The following VAV2 variants were observed in gnomAD, a reference collection of about 807,000 sequenced individuals.
VAV2 encodes the protein vav guanine nucleotide exchange factor 2.
VAV2 carries 67 observed loss-of-function variants against 132.5 expected under a neutral mutation model. The observed-to-expected ratio is 0.51, with a 90% CI of 0.42 to 0.62. The LOEUF (loss-of-function observed/expected upper bound fraction) is 0.62, where lower values mean the gene tolerates loss of function less well. Ranked by LOEUF, VAV2 falls within the 20% of genes least tolerant of loss-of-function variation. VAV2 has a pLI of 0.00. For synonymous variants in VAV2, 492 were observed against 443.5 expected (o/e 1.11, Z -1.37); for missense variants, 938 against 1,153.6 (o/e 0.81, Z 2.71).
intron 1 of VAV2, among the ~76,000 whole-genome samples, chr9:133,977,005 C>T (rs1011927370): frequency 2.6e-5 from 4 of 152,238 alleles, no homozygotes; most frequent in Non-Finnish European, 5.9e-5. Flanking sequence ...GGGGGTGCCT[C>T]TCCTACAGCC....
intron 2 of VAV2, among the ~76,000 whole-genome samples, chr9:133,897,507 T>C (rs2131998294): frequency 1.3e-5 from 2 of 152,212 alleles, no homozygotes; most frequent in South Asian, 4.1e-4. Context: ...CGAAACTGGG[T>C]CCCAGGAGGG....
At chr9:133,801,587 C>G (rs1376154433) in intron 9 of VAV2, among the ~76,000 whole-genome samples, 2 of 152,220 alleles carry the variant, frequency 1.3e-5, no homozygotes, top group Non-Finnish European at 2.9e-5. Context: ...CCCCACTGAG[C>G]AAGGGCAGCT....
chr9:133,807,349 T>C, intron 7 of VAV2, 23 bp from the exon 8 acceptor site: 1 of 1,591,874 alleles, frequency 6.3e-7, no homozygotes, highest in Non-Finnish European at 8.6e-7. Context: ...AGTCCACCTC[T>C]GCCACCCTGC....
intron 11 of VAV2, 137 bp from the exon 12 acceptor site, chr9:133,795,873 T>C (rs940150017): frequency 2.3e-6 from 2 of 882,622 alleles, no homozygotes; most frequent in African/African-American, 3.4e-5. Context: ...CCAGGCTGGG[T>C]TTGGCTGCCC....
chr9:133,908,746 C>T (rs954386154), intron 2 of VAV2, among the ~76,000 whole-genome samples: 9 of 152,268 alleles, frequency 5.9e-5, no homozygotes, highest in African/African-American at 1.2e-4. Context: ...CAGCGCTGCA[C>T]CCCTCTGAGG....
chr9:133,830,758 G>A (rs1382908558), intron 4 of VAV2, among the ~76,000 whole-genome samples: 3 of 152,112 alleles, frequency 2.0e-5, no homozygotes, highest in East Asian at 1.9e-4. Flanking sequence ...AATGGCATGC[G>A]CTTGTGTCTT....
rs1485961160 is a variant in VAV2, at chr9:133,777,462, C to A, written c.1892G>T (p.Gly631Val). ...TGACTTCCTGGTTTGTACCAGACGA[C>A]CCTGGCAGAGGAAAGAGATGGTTAG... ...RGDPESPWWE[G>V]RLVQTRKSGY... Residue 631 changes from glycine to valine, a missense_variant and splice_region_variant, in exon 23 of 30, where the codon GGT becomes GTT. Gly to Val is a moderately radical substitution (Grantham distance 109). Coordinates refer to ENST00000371850, the MANE Select transcript of VAV2 (RefSeq NM_001134398.2). 11 of 1,613,458 alleles carry A rather than the reference C, an allele frequency of 6.8e-6. No homozygotes were observed. Among genetic ancestry groups the A allele is most frequent in the Non-Finnish European group, 9.3e-6 (11 of 1,179,988 alleles).
chr9:133,979,713 T>G (rs1842634205), intron 1 of VAV2, among the ~76,000 whole-genome samples: 1 of 152,210 alleles, frequency 6.6e-6, no homozygotes, highest in Admixed American at 6.5e-5. Context: ...GCTGTCAGCC[T>G]GCTGACTTTG....
At chr9:133,968,581 T>A (rs2132248549) in intron 1 of VAV2, among the ~76,000 whole-genome samples, 1 of 151,906 alleles carries the variant, frequency 6.6e-6, no homozygotes. Flanking sequence ...CCCGGGGGCC[T>A]GGACAGAGCT....
chr9:133,801,711 G>A (rs1834935634), intron 9 of VAV2, among the ~76,000 whole-genome samples: 1 of 152,190 alleles, frequency 6.6e-6, no homozygotes, highest in Non-Finnish European at 1.5e-5. Flanking sequence ...ACTGAGATGA[G>A]GCCATGCTGA....
At chr9:133,952,445 T>C (rs953745188) in intron 1 of VAV2, among the ~76,000 whole-genome samples, 9 of 151,788 alleles carry the variant, frequency 5.9e-5, no homozygotes, top group South Asian at 2.1e-4. Context: ...CTACTAAAGA[T>C]ACAAAAAATT....
intron 1 of VAV2, among the ~76,000 whole-genome samples, chr9:133,947,480 A>T (rs1189575196): frequency 6.6e-6 from 1 of 152,100 alleles, no homozygotes; most frequent in Non-Finnish European, 1.5e-5. Flanking sequence ...CGGGTGGATC[A>T]CCTGAGGTCA....
In VAV2 at chr9:133,840,601, C is replaced by A. The variant is rs1472825904; in HGVS notation, c.381-6261G>T. ...CTACAGGGGTGCCCAAACCCAAACC[C>A]CGAAGGAAGAGCAGAGGAAACACAG... On this transcript the variant is annotated intron_variant, in intron 3 of 29. Transcript: ENST00000371850. This position sits in a 1 kb window ranked among gnomAD's most constrained non-coding sequence, Gnocchi z 4.5. Among the ~76,000 whole-genome samples the A allele has an allele frequency of 1.3e-5, 2 of 152,210 alleles. No homozygotes were observed. The highest frequency in any genetic ancestry group is 2.9e-5 in the Non-Finnish European group (2 of 68,038).
chr9:133,931,502 G>T (rs569129371), intron 2 of VAV2, among the ~76,000 whole-genome samples: 1 of 53,432 alleles, frequency 1.9e-5, no homozygotes, highest in South Asian at 7.2e-4. Context: ...CTTCTGCCCA[G>T]CTGCCTTCCC....
chr9:133,796,103 C>T (rs2428098), intron 11 of VAV2, among the ~76,000 whole-genome samples: 1,833 of 152,370 alleles, frequency 0.012, 34 homozygotes, highest in African/African-American at 0.041. Context: ...TCCTGAAGCC[C>T]TTCCATGTCC....
intron 3 of VAV2, among the ~76,000 whole-genome samples, chr9:133,858,957 A>T (rs1208846440): frequency 1.3e-5 from 2 of 152,210 alleles, no homozygotes; most frequent in East Asian, 3.9e-4. Context: ...GTTTCCCTGT[A>T]CATCTGCCAG....
Position 133,987,424 on chromosome 9 carries a change from G to A in VAV2, c.204+4651C>T, listed in dbSNP as rs185613414. On this transcript the variant is annotated intron_variant, in intron 1 of 29. Coordinates refer to ENST00000371850, the MANE Select transcript of VAV2 (RefSeq NM_001134398.2). ...ATACCAGCTCCTACAGGAAGAACCA[G>A]GCTAGAAGGAGAGAAGGTCTTCCAG... Among the ~76,000 whole-genome samples, 4 of 152,370 alleles carry A rather than the reference G, an allele frequency of 2.6e-5. No individual in the cohort carries two copies. In the East Asian group the frequency reaches 7.7e-4, roughly 29 times the overall value.
At chr9:133,831,145 T>C (rs115284683) in intron 4 of VAV2, among the ~76,000 whole-genome samples, 6,234 of 151,948 alleles carry the variant, frequency 0.041, 417 homozygotes, top group African/African-American at 0.14. Flanking sequence ...AGATGGAAAA[T>C]GGGCAACTGG....
At chr9:133,920,193 A>G (rs149878828) in intron 2 of VAV2, among the ~76,000 whole-genome samples, 59 of 152,260 alleles carry the variant, frequency 3.9e-4, no homozygotes, top group African/African-American at 1.3e-3. Flanking sequence ...GCCTCCTTCT[A>G]GTCAGCCCCA....
Sources: gnomAD v4.1 joint callset for allele counts (sites outside exome capture counted in the v4.1 genomes callset) on GRCh38, gnomAD v4.1.1 for gene constraint, Gnocchi (gnomAD v3.1) non-coding constraint, MANE v1.5 for transcripts, NCBI Gene and HGNC (gene_info 2026-07-23, HGNC 2026-07-21) for gene names.